The following ATP10D variants were observed in gnomAD, a reference collection of about 807,000 sequenced individuals.
ATP10D encodes the protein phospholipid-transporting ATPase VD.
In ATP10D, 89 loss-of-function variants were observed where a neutral mutation model predicts 144.8. That is an observed-to-expected ratio of 0.61 (90% CI 0.52 to 0.73). The LOEUF is 0.73. Among genes scored for constraint, ATP10D ranks in the 30% least tolerant of loss-of-function variants. The pLI, the probability that ATP10D is intolerant of heterozygous loss-of-function variation, is 0.00. For synonymous variants in ATP10D, 571 were observed against 615.1 expected (o/e 0.93, Z 1.06); for missense variants, 1,603 against 1,714.8 (o/e 0.93, Z 1.15).
intron 9 of ATP10D, among the ~76,000 whole-genome samples, chr4:47,539,126 T>G (rs558399115): frequency 6.6e-6 from 1 of 152,182 alleles, no homozygotes; most frequent in Non-Finnish European, 1.5e-5. Context: ...TCTCTTCTTA[T>G]CAAAAGGTTT....
intron 17 of ATP10D, among the ~76,000 whole-genome samples, chr4:47,572,661 G>C (rs972865325): frequency 2.0e-5 from 3 of 151,622 alleles, no homozygotes; most frequent in Non-Finnish European, 4.4e-5. Context: ...GTGTGTGTGT[G>C]TGTGTGTGTG....
At chr4:47,572,680 T>TGTGTGTGTGTG (rs780550058) in intron 17 of ATP10D, among the ~76,000 whole-genome samples, 192 bp from the exon 18 acceptor site, 1 of 141,696 alleles carries the variant, frequency 7.1e-6, no homozygotes, top group African/African-American at 2.6e-5. Flanking sequence ...TGTGTGTGTG[T>TGTGTGTGTGTG]TGGATGGTAT....
chr4:47,487,808 ACAACTATTTGAGG>A (rs1714850952), intron 1 of ATP10D, among the ~76,000 whole-genome samples: 1 of 152,192 alleles, frequency 6.6e-6, no homozygotes, highest in South Asian at 2.1e-4. Flanking sequence ...GTATATCAAT[ACAACTATTTGAGG>A]CAATTACGTG....
chr4:47,563,934 C>A (rs1719460986), intron 15 of ATP10D, among the ~76,000 whole-genome samples, 169 bp downstream of exon 15: 1 of 151,948 alleles, frequency 6.6e-6, no homozygotes, highest in Non-Finnish European at 1.5e-5. Context: ...GCTCTGTCAC[C>A]CAGGCTGGAG....
chr4:47,546,787 C>T lies in ATP10D; in HGVS notation c.1560C>T (p.Ser520=). 2 of 1,613,800 alleles carry T rather than the reference C, an allele frequency of 1.2e-6. No homozygotes were observed. The highest frequency in any genetic ancestry group is 1.7e-6 in the Non-Finnish European group (2 of 1,179,982). Residue 520 remains serine, a synonymous_variant, in exon 10 of 23, where the codon AGC becomes AGT. Transcript: ENST00000273859. The part of the protein sequence containing the change: ...GNKPSNHLAG[S]SFTLGSGEGA... Reference sequence around the variant, plus strand: ...AGCCCTCAAATCATCTTGCTGGGAGCTCTTTTACTCTAGGAAGTGGAGAAG... The same window carrying T: ...AGCCCTCAAATCATCTTGCTGGGAGTTCTTTTACTCTAGGAAGTGGAGAAG...
rs180988965 is a variant in ATP10D at position 47,496,243 on chromosome 4, C to T, written c.-38+10724C>T. ...CATGATCTCAGCTCACAGAAACCTC[C>T]GCCTCCCGGGTTCAAGCCATTCTCC... On this transcript the variant is annotated intron_variant, in intron 1 of 22. Coordinates refer to ENST00000273859, the MANE Select transcript of ATP10D (RefSeq NM_020453.4). Among the ~76,000 whole-genome samples the T allele has an allele frequency of 1.5e-4, 22 of 151,128 alleles. No homozygotes were observed. The East Asian group carries it at 2.1e-3, about 15-fold the overall frequency.
intron 11 of ATP10D, chr4:47,556,959 A>C (rs1414562261): frequency 6.6e-6 from 1 of 152,200 alleles, no homozygotes; most frequent in Non-Finnish European, 1.5e-5. Context: ...TACTTTGCTT[A>C]CTGGTCCATT....
chr4:47,574,912 C>T (rs529888058), intron 18 of ATP10D, among the ~76,000 whole-genome samples: 8 of 152,056 alleles, frequency 5.3e-5, no homozygotes, highest in South Asian at 2.1e-4. Context: ...GCTAACCTCC[C>T]GCCTCAGCCT....
At chr4:47,537,008 T>A in intron 9 of ATP10D, 70 bp downstream of exon 9, 1 of 1,502,100 alleles carries the variant, frequency 6.7e-7, no homozygotes, top group South Asian at 1.3e-5. Flanking sequence ...AAGTGTTGGA[T>A]GTCTGACAAT....
At position 47,592,940 on chromosome 4, in the gene ATP10D, C is replaced by T. The variant is rs558702973; in HGVS notation, c.*1559C>T. 3.3e-5 allele frequency: 5 copies of T among 152,350 alleles called. No individual in the cohort carries two copies. The highest frequency in any genetic ancestry group is 1.2e-4 in the African/African-American group (5 of 41,508). 9.4% of individuals were successfully genotyped at this position (152,350 alleles called of 1,614,324 possible). ...TGCCAAATCCAACTGTAATTAGTAC[C>T]AGAACTTAGAAGGAAAGTCACAAAG... is the stretch of plus-strand genomic sequence containing the variant. On this transcript the variant is annotated 3_prime_UTR_variant, in exon 23 of 23. Coordinates refer to ENST00000273859, the MANE Select transcript of ATP10D (RefSeq NM_020453.4).
chr4:47,542,891 T>G (rs1718226137), intron 9 of ATP10D, among the ~76,000 whole-genome samples: 1 of 152,246 alleles, frequency 6.6e-6, no homozygotes, highest in African/African-American at 2.4e-5. Flanking sequence ...CAGTAATAGC[T>G]GAGCTACCTG....
rs144159484 is a variant in ATP10D at position 47,529,478 on chromosome 4, A to G, written c.776+3836A>G. ...ATGTGGCTTCAATTCTGGGTGCTCT[A>G]TTCTTTTCCACTGATCTATGTGTCT... On this transcript the variant is annotated intron_variant, in intron 5 of 22. Coordinates refer to ENST00000273859, the MANE Select transcript of ATP10D (RefSeq NM_020453.4). Among the ~76,000 whole-genome samples the G allele has an allele frequency of 1.1e-3, 168 of 152,186 alleles. 2 individuals carry two copies. The highest frequency in any genetic ancestry group is 3.9e-3 in the African/African-American group (164 of 41,544).
At chr4:47,574,951 C>A (rs534694144) in intron 18 of ATP10D, among the ~76,000 whole-genome samples, 43 of 152,042 alleles carry the variant, frequency 2.8e-4, no homozygotes, top group Non-Finnish European at 5.4e-4. Context: ...AAGGCACGCG[C>A]CACCATACTT....
intron 22 of ATP10D, among the ~76,000 whole-genome samples, chr4:47,588,445 TGTTAGA>T (rs1720884599): frequency 1.3e-5 from 2 of 152,198 alleles, no homozygotes; most frequent in African/African-American, 4.8e-5. Context: ...AATAAAGCTT[TGTTAGA>T]ATATAGCCAT....
chr4:47,589,829 T>C (rs981065876), intron 22 of ATP10D, among the ~76,000 whole-genome samples: 1 of 152,194 alleles, frequency 6.6e-6, no homozygotes, highest in Admixed American at 6.6e-5. Flanking sequence ...TAAATTTGTG[T>C]ATCCATTGAG....
chr4:47,533,886 A>G (rs537423716), intron 5 of ATP10D, among the ~76,000 whole-genome samples: 1 of 152,232 alleles, frequency 6.6e-6, no homozygotes, highest in East Asian at 1.9e-4. Context: ...TTTACTATAT[A>G]CTTATAGCAG....
intron 21 of ATP10D, among the ~76,000 whole-genome samples, chr4:47,585,260 C>CAA (rs1054702894): frequency 1.4e-5 from 2 of 142,362 alleles, no homozygotes; most frequent in Admixed American, 7.0e-5. Flanking sequence ...AAGTTGGTGC[C>CAA]AAAAAAAAAA....
At chr4:47,538,884 C>G (rs1717987538) in intron 9 of ATP10D, among the ~76,000 whole-genome samples, 1 of 152,180 alleles carries the variant, frequency 6.6e-6, no homozygotes, top group African/African-American at 2.4e-5. Flanking sequence ...CAGGGAAGTC[C>G]TGAATCCTTT....
At position 47,523,111 on chromosome 4, in the gene ATP10D, A is replaced by G. The variant is rs369447775; in HGVS notation, c.585A>G (p.Leu195=). 17 of 1,613,524 alleles carry G rather than the reference A, an allele frequency of 1.1e-5. No homozygotes were observed. The highest frequency in any genetic ancestry group is 1.4e-5 in the Non-Finnish European group (17 of 1,179,916). ...CNEVIPADMV[L]LFSTDPDGIC... ...AGGTCATCCCTGCAGACATGGTACT[A>G]CTCTTTTCCACTGATCCAGATGGAA... Residue 195 remains leucine, a synonymous_variant, in exon 4 of 23, where the codon CTA becomes CTG. Transcript: ENST00000273859.
Sources: gnomAD v4.1 joint callset for allele counts (sites outside exome capture counted in the v4.1 genomes callset) on GRCh38, gnomAD v4.1.1 for gene constraint, MANE v1.5 for transcripts, NCBI Gene and HGNC (gene_info 2026-07-23, HGNC 2026-07-21) for gene names.